Variants in ITPK1 observed in about 807,000 individuals in gnomAD.
ITPK1 encodes inositol 1,3,4-trisphosphate 5/6-kinase.
In ITPK1, 21 loss-of-function variants were observed where a neutral mutation model predicts 45.3. That is an observed-to-expected ratio of 0.46 (90% CI 0.33 to 0.67). ITPK1 has a LOEUF of 0.67. Among genes scored for constraint, ITPK1 ranks in the 30% least tolerant of loss-of-function variants. The pLI, the probability that ITPK1 is intolerant of heterozygous loss-of-function variation, is 0.02. For synonymous variants in ITPK1, 258 were observed against 253.6 expected, an observed-to-expected ratio of 1.02 and a Z score of -0.16; for missense variants, 474 against 573.5, an observed-to-expected ratio of 0.83 and a Z score of 1.77.
chr14:92,941,693 G>A lies in ITPK1; in HGVS notation c.1113C>T (p.Pro371=). Residue 371 remains proline (P), a synonymous_variant, in exon 11 of 11, where the codon CCC becomes CCT. Transcript: ENST00000267615. ...CCGSMMGQDA[P]WKAEADAGGT... ...CGCCCGCGTCGGCCTCAGCCTTCCAGGGCGCGTCCTGGCCCATCATGCTGC... is the reference window on the plus strand; with the variant it reads ...CGCCCGCGTCGGCCTCAGCCTTCCAAGGCGCGTCCTGGCCCATCATGCTGC... The A allele has an allele frequency of 6.4e-7, 1 of 1,556,388 alleles. No individual in the cohort carries two copies. The highest frequency in any genetic ancestry group is 1.2e-5 in the South Asian group (1 of 85,678).
chr14:93,050,032 A>G (rs559151311), intron 3 of ITPK1, among the ~76,000 whole-genome samples: 3 of 152,280 alleles, frequency 2.0e-5, no homozygotes, highest in Non-Finnish European at 4.4e-5. Context: ...TGGGAAGTGC[A>G]ACTCCTGCTC....
At chr14:93,023,781 A>C (rs76496978) in intron 3 of ITPK1, among the ~76,000 whole-genome samples, 6 of 152,078 alleles carry the variant, frequency 3.9e-5, no homozygotes, top group African/African-American at 1.4e-4. Flanking sequence ...CTTAGGAGCA[A>C]AAGGCAGGAG....
At position 92,938,657 on chromosome 14, in the gene ITPK1, C is replaced by A. The variant is rs1887219284; in HGVS notation, c.*2904G>T. 4.1e-6 allele frequency: 3 copies of A among 737,454 alleles called. No individual in the cohort carries two copies. Among genetic ancestry groups the A allele is most frequent in the East Asian group, 2.7e-5 (1 of 37,296 alleles). 45.7% of individuals were successfully genotyped at this position (737,454 alleles called of 1,614,324 possible). Reference sequence around the variant, plus strand: ...TGCAGCTGGGTCCAATCCCGCCGGCCATGCTGGGTGACTGCAGGCCCAGCC... The same window carrying A: ...TGCAGCTGGGTCCAATCCCGCCGGCAATGCTGGGTGACTGCAGGCCCAGCC... On this transcript the variant is annotated 3_prime_UTR_variant, in exon 11 of 11. Transcript: ENST00000267615.
In ITPK1 at chr14:93,012,897, G is replaced by A. The variant is rs1156500745; in HGVS notation, c.246+3779C>T. Among the ~76,000 whole-genome samples, 2 of 152,192 alleles carry A rather than the reference G, an allele frequency of 1.3e-5. No individual in the cohort carries two copies. The highest frequency in any genetic ancestry group is 2.9e-5 in the Non-Finnish European group (2 of 68,014). ...GATCACAATCACAGCACCCCTTCAG[G>A]GGCAATTCCAGGGCTAGAAGGGGCA... On this transcript the variant is annotated intron_variant, in intron 4 of 10. Coordinates refer to ENST00000267615, the MANE Select transcript of ITPK1 (RefSeq NM_014216.6). This position sits in a 1 kb window ranked among gnomAD's most constrained non-coding sequence, Gnocchi z 4.9.
chr14:93,109,329 C>T (rs906245298), intron 2 of ITPK1, among the ~76,000 whole-genome samples: 6 of 152,226 alleles, frequency 3.9e-5, no homozygotes, highest in East Asian at 1.9e-4. Context: ...CACGTGCACG[C>T]GCCCCTGAGT....
rs539418292 is a variant in ITPK1, at chr14:93,114,240, C to A, written c.95+829G>T. On this transcript the variant is annotated intron_variant, in intron 2 of 10. Transcript: ENST00000267615. Reference sequence around the variant, plus strand: ...TGGAGCAAGGGAAGGCCTACCTGACCCAAGACTCAGTAGTTCTGTAATTTA... The same window carrying A: ...TGGAGCAAGGGAAGGCCTACCTGACACAAGACTCAGTAGTTCTGTAATTTA... Among the ~76,000 whole-genome samples the A allele has an allele frequency of 2.6e-5, 4 of 152,336 alleles. No individual in the cohort carries two copies. The South Asian group carries it at 8.3e-4, about 32-fold the overall frequency.
chr14:93,020,864 C>A (rs562250960), intron 3 of ITPK1, among the ~76,000 whole-genome samples: 1 of 152,088 alleles, frequency 6.6e-6, no homozygotes, highest in Non-Finnish European at 1.5e-5. Flanking sequence ...CACACTTGCT[C>A]GGTGCCAGGC....
chr14:93,097,016 C>T (rs1892106919), intron 2 of ITPK1, among the ~76,000 whole-genome samples: 2 of 152,170 alleles, frequency 1.3e-5, no homozygotes, highest in Non-Finnish European at 2.9e-5. Context: ...GCGGACACTT[C>T]GAAAAGCTTT....
intron 9 of ITPK1, 97 bp from the exon 10 acceptor site, chr14:92,946,590 G>C: frequency 8.1e-7 from 1 of 1,227,846 alleles, no homozygotes; most frequent in Non-Finnish European, 1.2e-6. Context: ...CGAGGCCCTG[G>C]CATGCTTCAG....
Position 92,952,530 on chromosome 14 carries a change from C to T in ITPK1, c.671-517G>A, listed in dbSNP as rs188250746. On this transcript the variant is annotated intron_variant, in intron 8 of 10. Transcript: ENST00000267615. ...TACAAAGGGTTCTGGTGGTTCTTAG[C>T]GACTTAGGGAAAAAAATAGGAAATC... is the stretch of plus-strand genomic sequence containing the variant. Among the ~76,000 whole-genome samples the T allele has an allele frequency of 2.3e-4, 35 of 152,186 alleles. No homozygotes were observed. In the East Asian group the frequency reaches 3.1e-3, roughly 13 times the overall value.
At chr14:92,945,840 C>T (rs1360776552) in intron 10 of ITPK1, among the ~76,000 whole-genome samples, 2 of 152,180 alleles carry the variant, frequency 1.3e-5, no homozygotes, top group Non-Finnish European at 2.9e-5. Context: ...CAGGGCTCCT[C>T]CCCAGGCCTC....
intron 3 of ITPK1, among the ~76,000 whole-genome samples, chr14:93,040,792 A>C (rs938236393): frequency 6.6e-6 from 1 of 152,088 alleles, no homozygotes; most frequent in Non-Finnish European, 1.5e-5. Context: ...GTGGGGCCGT[A>C]TGCAGCTGTA....
At chr14:93,041,483 G>C (rs1245507048) in intron 3 of ITPK1, among the ~76,000 whole-genome samples, 1 of 152,238 alleles carries the variant, frequency 6.6e-6, no homozygotes, top group African/African-American at 2.4e-5. Flanking sequence ...CTCACTAAAA[G>C]GCCACTGTGC....
chr14:93,114,069 T>C (rs997293576), intron 2 of ITPK1, among the ~76,000 whole-genome samples: 40 of 152,200 alleles, frequency 2.6e-4, no homozygotes, highest in African/African-American at 9.4e-4. Flanking sequence ...AAAATGCAAG[T>C]AGAGCCCATT....
At chr14:93,111,893 C>T (rs1892770651) in intron 2 of ITPK1, among the ~76,000 whole-genome samples, 1 of 152,046 alleles carries the variant, frequency 6.6e-6, no homozygotes, top group African/African-American at 2.4e-5. Flanking sequence ...CAAGTGGATT[C>T]AAAGGCCCAT....
At chr14:93,009,656 G>C (rs780124098) in intron 4 of ITPK1, among the ~76,000 whole-genome samples, 1 of 152,182 alleles carries the variant, frequency 6.6e-6, no homozygotes, top group Non-Finnish European at 1.5e-5. Flanking sequence ...AGCAGTCATC[G>C]AGAGGCTGAC....
chr14:93,094,022 C>T (rs977207110), intron 2 of ITPK1, among the ~76,000 whole-genome samples: 2 of 152,268 alleles, frequency 1.3e-5, no homozygotes, highest in African/African-American at 4.8e-5. Flanking sequence ...GCGCTCCAGC[C>T]AGGCCCCCAC....
intron 2 of ITPK1, among the ~76,000 whole-genome samples, chr14:93,102,356 C>A (rs561951498): frequency 6.6e-6 from 1 of 152,270 alleles, no homozygotes; most frequent in East Asian, 1.9e-4. Context: ...TTCTCCAACA[C>A]GATCCCAATG....
At chr14:93,100,980 C>A (rs953162322) in intron 2 of ITPK1, among the ~76,000 whole-genome samples, 23 of 152,170 alleles carry the variant, frequency 1.5e-4, no homozygotes, top group African/African-American at 5.3e-4. Context: ...GAAGGGGCAC[C>A]CACTCACTCC....
Sources: gnomAD v4.1 joint callset for allele counts (sites outside exome capture counted in the v4.1 genomes callset) on GRCh38, gnomAD v4.1.1 for gene constraint, Gnocchi (gnomAD v3.1) non-coding constraint, MANE v1.5 for transcripts, NCBI Gene and HGNC (gene_info 2026-07-23, HGNC 2026-07-21) for gene names.